ZC3H6: variants seen among roughly 807,000 people sequenced by gnomAD.
ZC3H6 encodes the protein zinc finger CCCH domain-containing protein 6.
A neutral mutation model predicts 107.7 loss-of-function variants in ZC3H6; 40 were observed. The observed-to-expected ratio is 0.37, with a 90% CI of 0.29 to 0.48. The LOEUF (loss-of-function observed/expected upper bound fraction) is 0.48. Among genes scored for constraint, ZC3H6 ranks in the 20% least tolerant of loss-of-function variants. The pLI is 0.98. For missense variants in ZC3H6, 1,267 were observed against 1,410.4 expected (o/e 0.90, Z 1.63); for synonymous variants, 493 against 487.9 (o/e 1.01, Z -0.14).
intron 1 of ZC3H6, among the ~76,000 whole-genome samples, chr2:112,277,425 CCT>C (rs1370925914): frequency 6.6e-6 from 1 of 151,814 alleles, no homozygotes; most frequent in Non-Finnish European, 1.5e-5. Flanking sequence ...TATCTGTTCC[CCT>C]CTCTTAGTGC....
At chr2:112,301,122 T>C (rs1422420944) in intron 2 of ZC3H6, among the ~76,000 whole-genome samples, 1 of 152,124 alleles carries the variant, frequency 6.6e-6, no homozygotes. Context: ...CAACAGATAT[T>C]CACCTCAAAT....
rs1238325205 is a variant in ZC3H6, at chr2:112,339,979, C to CAT, written c.*7493_*7494dup. On this transcript the variant is annotated 3_prime_UTR_variant, in exon 12 of 12. Coordinates refer to ENST00000409871, the MANE Select transcript of ZC3H6 (RefSeq NM_198581.3). ...CTTTACTAATAAATTTTCCAAGTTG[C>CAT]ATACTGTTGTTGCAAGTTTCTGTAA... 1 of 152,152 alleles carries CAT rather than the reference C, an allele frequency of 6.6e-6. No homozygotes were observed. The highest frequency in any genetic ancestry group is 1.9e-4 in the East Asian group (1 of 5,204). 9.4% of individuals were successfully genotyped at this position (152,152 alleles called of 1,614,324 possible).
chr2:112,311,729 C>T, intron 4 of ZC3H6, 75 bp from the exon 5 acceptor site: 2 of 1,331,396 alleles, frequency 1.5e-6, no homozygotes, highest in Non-Finnish European at 2.1e-6. Context: ...TTAAAATGTG[C>T]TGTTCCTTAT....
intron 3 of ZC3H6, among the ~76,000 whole-genome samples, chr2:112,309,441 A>T (rs1170771685): frequency 6.6e-6 from 1 of 152,152 alleles, no homozygotes; most frequent in African/African-American, 2.4e-5. Context: ...TTTTCCACAC[A>T]TACAGTTTTT....
intron 8 of ZC3H6, among the ~76,000 whole-genome samples, 154 bp from the exon 9 acceptor site, chr2:112,322,495 C>G (rs1676822704): frequency 6.6e-6 from 1 of 152,106 alleles, no homozygotes; most frequent in African/African-American, 2.4e-5. Context: ...GCTGCCTTGG[C>G]CTTCCAAGGT....
intron 1 of ZC3H6, among the ~76,000 whole-genome samples, chr2:112,298,802 C>T (rs1676299681): frequency 6.6e-6 from 1 of 151,918 alleles, no homozygotes; most frequent in Non-Finnish European, 1.5e-5. Context: ...GGAAAGGGAA[C>T]AATACAATAA....
chr2:112,319,052 T>C (rs1295789768), intron 7 of ZC3H6, among the ~76,000 whole-genome samples: 1 of 152,222 alleles, frequency 6.6e-6, no homozygotes, highest in Non-Finnish European at 1.5e-5. Flanking sequence ...ATTAACTAGA[T>C]ACAATTTGTG....
At chr2:112,279,859 TCTTGCAATATTATTTTCCTA>T (rs1317012625) in intron 1 of ZC3H6, among the ~76,000 whole-genome samples, 2 of 152,236 alleles carry the variant, frequency 1.3e-5, no homozygotes, top group Non-Finnish European at 1.5e-5. Context: ...TTATTTTCAG[TCTTGCAATATTATTTTCCTA>T]CTTGCAATAT....
intron 11 of ZC3H6, among the ~76,000 whole-genome samples, chr2:112,329,157 A>C (rs1383695946): frequency 6.6e-6 from 1 of 152,084 alleles, no homozygotes; most frequent in Non-Finnish European, 1.5e-5. Context: ...GCTTTTATGC[A>C]TTTTATCTCT....
chr2:112,278,386 C>T (rs533186865), intron 1 of ZC3H6, among the ~76,000 whole-genome samples: 11 of 152,286 alleles, frequency 7.2e-5, no homozygotes, highest in Non-Finnish European at 1.2e-4. Context: ...GGCACTGTCT[C>T]AGCTCACTGC....
chr2:112,315,977 C>T (rs1676688384), intron 5 of ZC3H6, among the ~76,000 whole-genome samples: 1 of 152,096 alleles, frequency 6.6e-6, no homozygotes, highest in African/African-American at 2.4e-5. Flanking sequence ...GACCAGTCTT[C>T]TAGTTTTAAA....
At chr2:112,277,273 A>AT (rs1361720026) in intron 1 of ZC3H6, among the ~76,000 whole-genome samples, 4 of 152,146 alleles carry the variant, frequency 2.6e-5, no homozygotes, top group Admixed American at 6.6e-5. Flanking sequence ...ATTTTTAATG[A>AT]TTTTTTTAAC....
At chr2:112,284,137 A>T (rs1686568770) in intron 1 of ZC3H6, among the ~76,000 whole-genome samples, 1 of 152,134 alleles carries the variant, frequency 6.6e-6, no homozygotes, top group South Asian at 2.1e-4. Flanking sequence ...ATAAAATGTT[A>T]TTAGATCACT....
intron 1 of ZC3H6, 81 bp downstream of exon 1, chr2:112,276,107 C>T (rs1686413011): frequency 6.7e-6 from 9 of 1,337,324 alleles, no homozygotes; most frequent in Admixed American, 2.1e-5. Flanking sequence ...GGCCGGGCGC[C>T]TCCTGCATGA....
intron 1 of ZC3H6, among the ~76,000 whole-genome samples, chr2:112,282,491 A>G (rs1283377769): frequency 3.3e-5 from 5 of 152,202 alleles, no homozygotes; most frequent in African/African-American, 1.2e-4. Context: ...CCTCACAACA[A>G]CCCTGGGAAA....
intron 3 of ZC3H6, among the ~76,000 whole-genome samples, chr2:112,308,606 T>C (rs1240830953): frequency 6.7e-6 from 1 of 149,998 alleles, no homozygotes; most frequent in Non-Finnish European, 1.5e-5. Flanking sequence ...CATTTTTGTA[T>C]TTTTTGGTAG....
rs1258119871 is a variant in ZC3H6, at chr2:112,331,547, A to C, written c.2629A>C (p.Ile877Leu). The C allele has an allele frequency of 6.2e-7, 1 of 1,613,870 alleles. No homozygotes were observed. The highest frequency in any genetic ancestry group is 1.3e-5 in the African/African-American group (1 of 74,922). The change falls in exon 12 of 12, where the codon ATC (isoleucine) becomes CTC (leucine). Residue 877 changes from isoleucine to leucine, a missense_variant. By Grantham distance (5) the Ile-to-Leu change is conservative. This residue lies in a region of ZC3H6 where 925 missense variants were observed against 1,025.7 expected (regional missense o/e 0.90). Coordinates refer to ENST00000409871, the MANE Select transcript of ZC3H6 (RefSeq NM_198581.3). ...AACCAAACCCAACTTTGCAAAACAC[A>C]TCGTGTGGGCTCCCGAAGACTTACT... ...TLTKPNFAKH[I>L]VWAPEDLLPV...
rs1677189654 is a variant in ZC3H6 at position 112,338,883 on chromosome 2, AT to A, written c.*6396del. The A allele has an allele frequency of 2.9e-5, 1 of 34,542 alleles. No homozygotes were observed. The highest frequency in any genetic ancestry group is 4.5e-5 in the Non-Finnish European group (1 of 22,342). 2.1% of individuals were successfully genotyped at this position (34,542 alleles called of 1,614,324 possible). A position where few individuals can be genotyped will look rare whatever the true frequency, so the allele number is the denominator to read the frequency against. ...TATATATATATATATATATATATAT[AT>A]ATATATATATATATATATATATATA... On this transcript the variant is annotated 3_prime_UTR_variant, in exon 12 of 12. Coordinates refer to ENST00000409871, the MANE Select transcript of ZC3H6 (RefSeq NM_198581.3).
chr2:112,297,708 C>CT (rs1160489132), intron 1 of ZC3H6, among the ~76,000 whole-genome samples: 3 of 152,088 alleles, frequency 2.0e-5, no homozygotes, highest in Non-Finnish European at 4.4e-5. Context: ...TACTATGAAT[C>CT]TTTTTTACAG....
Sources: gnomAD v4.1 joint callset for allele counts (sites outside exome capture counted in the v4.1 genomes callset) on GRCh38, gnomAD v4.1.1 for gene constraint, gnomAD v4.1.1 regional missense constraint, MANE v1.5 for transcripts, NCBI Gene and HGNC (gene_info 2026-07-23, HGNC 2026-07-21) for gene names.